Variants in SCHIP1 observed in about 807,000 individuals in gnomAD.
SCHIP1 encodes the protein schwannomin interacting protein 1, also known as schwannomin-interacting protein 1.
A neutral mutation model predicts 29.7 loss-of-function variants in SCHIP1; 8 were observed. The ratio of observed to expected loss-of-function variants is 0.27; its 90% CI spans 0.16 to 0.49. SCHIP1 has a LOEUF of 0.49. Among genes scored for constraint, SCHIP1 ranks in the 20% least tolerant of loss-of-function variants. SCHIP1 has a pLI of 0.99. For missense variants in SCHIP1, 193 were observed against 294.6 expected (o/e 0.66, Z 2.52); for synonymous variants, 76 against 94.9 (o/e 0.80, Z 1.16).
At chr3:159,332,111 T>C in the SCHIP1 span, among the ~76,000 whole-genome samples, 3 of 152,202 alleles carry the variant, frequency 2.0e-5, no homozygotes, top group South Asian at 2.1e-4. Flanking sequence ...CACAGTGTTA[T>C]TGCCTCCTTC....
chr3:159,402,116 C>T, the SCHIP1 span, among the ~76,000 whole-genome samples: 280 of 152,224 alleles, frequency 1.8e-3, 2 homozygotes, highest in South Asian at 8.9e-3. Flanking sequence ...AAAAAGTGGA[C>T]GAAGGATATG....
chr3:159,581,889 T>C, the SCHIP1 span, among the ~76,000 whole-genome samples: 1 of 152,188 alleles, frequency 6.6e-6, no homozygotes, highest in African/African-American at 2.4e-5. Context: ...CACATAGGTC[T>C]CATTTTTTCT....
the SCHIP1 span, among the ~76,000 whole-genome samples, chr3:159,489,605 A>T: frequency 1.3e-5 from 2 of 152,198 alleles, no homozygotes; most frequent in African/African-American, 4.8e-5. Flanking sequence ...AAATACTTGT[A>T]CATAAGAATT....
the SCHIP1 span, among the ~76,000 whole-genome samples, chr3:159,680,689 A>ATATATATAATATATTATATATAATATATG: frequency 1.3e-3 from 63 of 50,128 alleles, 1 homozygote; most frequent in Admixed American, 9.2e-3. Flanking sequence ...TAATATATGT[A>ATATATATAATATATTATATATAATATATG]TATATATAAT....
At chr3:159,371,772 A>C in the SCHIP1 span, among the ~76,000 whole-genome samples, 2 of 152,220 alleles carry the variant, frequency 1.3e-5, no homozygotes, top group Non-Finnish European at 2.9e-5. Flanking sequence ...AATACCTAGT[A>C]CAATGTAAAT....
At chr3:159,324,094 G>T in the SCHIP1 span, among the ~76,000 whole-genome samples, 3 of 152,138 alleles carry the variant, frequency 2.0e-5, no homozygotes, top group East Asian at 5.8e-4. Flanking sequence ...TATAGATAAG[G>T]GGGGAGTAAT....
chr3:159,757,859 G>A, the SCHIP1 span, among the ~76,000 whole-genome samples: 1 of 152,134 alleles, frequency 6.6e-6, no homozygotes, highest in Admixed American at 6.5e-5. Context: ...GACGTTATAA[G>A]GTTTCCAGAA....
At chr3:159,829,554 TA>T in the SCHIP1 span, among the ~76,000 whole-genome samples, 451 of 152,362 alleles carry the variant, frequency 3.0e-3, 3 homozygotes, top group African/African-American at 9.3e-3. Flanking sequence ...AATTCCCTCA[TA>T]ATCTGTGCAA....
At chr3:159,319,069 T>A in the SCHIP1 span, among the ~76,000 whole-genome samples, 2 of 152,184 alleles carry the variant, frequency 1.3e-5, no homozygotes, top group African/African-American at 4.8e-5. Flanking sequence ...TCAGGCATCA[T>A]TGGATCTGAA....
chr3:159,797,224 C>G, the SCHIP1 span, among the ~76,000 whole-genome samples: 2 of 152,204 alleles, frequency 1.3e-5, no homozygotes, highest in Admixed American at 6.5e-5. Flanking sequence ...GAAACAGTAT[C>G]TAGCACATCA....
At chr3:159,757,359 C>T in the SCHIP1 span, among the ~76,000 whole-genome samples, 1 of 152,178 alleles carries the variant, frequency 6.6e-6, no homozygotes. Flanking sequence ...CATCAGATCT[C>T]ATGAGACCTA....
the SCHIP1 span, among the ~76,000 whole-genome samples, chr3:159,624,517 T>C: frequency 1.3e-5 from 2 of 152,106 alleles, no homozygotes; most frequent in Non-Finnish European, 2.9e-5. Context: ...GGAGAAACCA[T>C]GCAGAGAACA....
At chr3:159,713,295 A>AAAG in the SCHIP1 span, among the ~76,000 whole-genome samples, 2 of 151,662 alleles carry the variant, frequency 1.3e-5, no homozygotes, top group East Asian at 1.9e-4. Context: ...AAAAAAGAAA[A>AAAG]GAAAGAAAGA....
At chr3:159,318,440 C>A in the SCHIP1 span, among the ~76,000 whole-genome samples, 1 of 152,198 alleles carries the variant, frequency 6.6e-6, no homozygotes, top group Non-Finnish European at 1.5e-5. Flanking sequence ...AAGTGCACAA[C>A]CAGGTGCACT....
At chr3:159,441,005 C>T in the SCHIP1 span, among the ~76,000 whole-genome samples, 34 of 152,260 alleles carry the variant, frequency 2.2e-4, no homozygotes, top group Admixed American at 1.6e-3. Context: ...ATATAATCAT[C>T]GCAGTGATAG....
At chr3:159,334,900 C>T in the SCHIP1 span, among the ~76,000 whole-genome samples, 3 of 146,076 alleles carry the variant, frequency 2.1e-5, no homozygotes. Context: ...TCTTCTTCTT[C>T]TTTTTTTTTT....
the SCHIP1 span, among the ~76,000 whole-genome samples, chr3:159,481,633 G>A: frequency 2.0e-5 from 3 of 152,180 alleles, no homozygotes; most frequent in African/African-American, 7.2e-5. Flanking sequence ...CTGAGAGGTA[G>A]GAGTAACTGC....
chr3:159,283,532 G>T, the SCHIP1 span, among the ~76,000 whole-genome samples: 2 of 151,056 alleles, frequency 1.3e-5, no homozygotes, highest in South Asian at 4.2e-4. Flanking sequence ...TTTTTGAGAC[G>T]GAGTTTCGCT....
the SCHIP1 span, among the ~76,000 whole-genome samples, chr3:159,472,515 C>G: frequency 6.6e-6 from 1 of 152,100 alleles, no homozygotes; most frequent in African/African-American, 2.4e-5. Context: ...CGGCTGTGCT[C>G]CCTGAATCAG....
Sources: gnomAD v4.1 joint callset for allele counts (sites outside exome capture counted in the v4.1 genomes callset) on GRCh38, gnomAD v4.1.1 for gene constraint, MANE v1.5 for transcripts, NCBI Gene and HGNC (gene_info 2026-07-23, HGNC 2026-07-21) for gene names.